Variants in RBBP6 observed in about 807,000 individuals in gnomAD.
RBBP6 encodes RB binding protein 6, ubiquitin ligase, also known as E3 ubiquitin-protein ligase RBBP6.
In RBBP6, 25 loss-of-function variants were observed where a neutral mutation model predicts 167.7. The ratio of observed to expected loss-of-function variants is 0.15; its 90% confidence interval spans 0.11 to 0.21. The LOEUF is 0.21. Among genes scored for constraint, RBBP6 ranks in the 10% least tolerant of loss-of-function variants. The probability of loss-of-function intolerance (pLI) is 1.00; values close to 1 mark genes in which losing one functional copy is unlikely to be tolerated. For missense variants in RBBP6, 1,868 were observed against 2,134.2 expected (o/e 0.88, Z 2.46); for synonymous variants, 789 against 735.8 (o/e 1.07, Z -1.17).
Position 24,571,508 on chromosome 16 carries a change from A to G in RBBP6, c.4442A>G (p.Glu1481Gly). 2 of 1,613,430 alleles carry G rather than the reference A, an allele frequency of 1.2e-6. No homozygotes were observed. Among genetic ancestry groups the G allele is most frequent in the Non-Finnish European group, 8.5e-7 (1 of 1,179,834 alleles). Residue 1481 changes from glutamate (E) to glycine (G), a missense_variant, in exon 18 of 18, where the codon GAG becomes GGG. Glu to Gly is a moderately conservative substitution (Grantham distance 98). This residue lies in a region of RBBP6 where 591 missense variants were observed against 540.5 expected (regional missense o/e 1.09). Coordinates refer to ENST00000319715, the MANE Select transcript of RBBP6 (RefSeq NM_006910.5). Reference protein sequence around the residue: ...RDKKTDYDTREYSSSKRRDEK... With the variant: ...RDKKTDYDTRGYSSSKRRDEK... ...AAAAAAACTGACTATGACACCAGAG[A>G]GTATTCAAGTTCCAAACGTAGAGAT...
intron 13 of RBBP6, among the ~76,000 whole-genome samples, chr16:24,563,962 T>C (rs549688649): frequency 6.6e-6 from 1 of 152,144 alleles, no homozygotes; most frequent in Non-Finnish European, 1.5e-5. Context: ...AATGAATAGA[T>C]AAGAATTACT....
intron 7 of RBBP6, 49 bp downstream of exon 7, chr16:24,556,496 G>C (rs762568277): frequency 1.3e-6 from 2 of 1,544,714 alleles, no homozygotes; most frequent in South Asian, 1.2e-5. Context: ...GTCAGTCCCA[G>C]GGTATAGTGT....
intron 7 of RBBP6, chr16:24,558,306 C>A (rs1898966956): frequency 5.5e-6 from 1 of 183,478 alleles, no homozygotes; most frequent in Non-Finnish European, 1.0e-5. Context: ...AACTTTCACC[C>A]TCTTCACTAA....
intron 14 of RBBP6, 126 bp downstream of exon 14, chr16:24,564,991 C>T: frequency 1.4e-6 from 2 of 1,394,972 alleles, no homozygotes; most frequent in South Asian, 1.8e-5. Flanking sequence ...GCTTATCCCT[C>T]TTAAGTCCTG....
intron 4 of RBBP6, chr16:24,554,514 A>G (rs1015255426): frequency 6.6e-6 from 1 of 152,070 alleles, no homozygotes; most frequent in African/African-American, 2.4e-5. Flanking sequence ...TGTCCTAGTA[A>G]CAAATTGCTT....
At chr16:24,564,909 A>G (rs1899156221) in intron 14 of RBBP6, 44 bp downstream of exon 14, 1 of 1,565,124 alleles carries the variant, frequency 6.4e-7, no homozygotes, top group African/African-American at 1.4e-5. Flanking sequence ...CTTATTTTTT[A>G]TATATATATC....
chr16:24,566,527 G>A lies in RBBP6; in HGVS notation c.1590-616G>A, dbSNP rs565443919. 1.1e-4 allele frequency among the ~76,000 whole-genome samples: 16 copies of A among 152,254 alleles called. No homozygotes were observed. The South Asian group carries it at 3.1e-3, about 30-fold the overall frequency. ...CCAGCACTTTGTGCAGATCACCTGAGGTCAGGAGTTTGAGAACAGCCTGCC... is the reference window on the plus strand; with the variant it reads ...CCAGCACTTTGTGCAGATCACCTGAAGTCAGGAGTTTGAGAACAGCCTGCC... On this transcript the variant is annotated intron_variant, in intron 14 of 17. Coordinates refer to ENST00000319715, the MANE Select transcript of RBBP6 (RefSeq NM_006910.5).
intron 17 of RBBP6, 30 bp downstream of exon 17, chr16:24,570,529 C>G (rs2141479383): frequency 6.6e-7 from 1 of 1,505,118 alleles, no homozygotes; most frequent in African/African-American, 1.4e-5. Flanking sequence ...GGGTGTGGAA[C>G]TTTGTTGGGA....
At position 24,559,541 on chromosome 16, in the gene RBBP6, C is replaced by G. The variant is rs567331195; in HGVS notation, c.711C>G (p.Pro237=). 29 of 1,603,550 alleles carry G rather than the reference C, an allele frequency of 1.8e-5. No homozygotes were observed. The East Asian group carries it at 5.8e-4, about 32-fold the overall frequency. Residue 237 remains proline (P), a synonymous_variant, in exon 8 of 18, where the codon CCC becomes CCG. Transcript: ENST00000319715. ...AYAIGKKEKP[P]FLPEEPSSSS... ...CAATTGGGAAGAAAGAGAAACCTCC[C>G]TTCTTACCAGAGGAGCCATCTTCTT...
At position 24,571,760 on chromosome 16, in the gene RBBP6, C is replaced by T. The variant is rs770035145; in HGVS notation, c.4694C>T (p.Pro1565Leu). The T allele has an allele frequency of 1.1e-5, 17 of 1,613,890 alleles. No individual in the cohort carries two copies. The highest frequency in any genetic ancestry group is 1.4e-5 in the Non-Finnish European group (16 of 1,179,976). ...GAGACAAAATCTGTAGATAAAAATC[C>T]TTGTAAGGATCGTGAGAAGCATGTA... ...NEETKSVDKN[P>L]CKDREKHVLE... The change falls in exon 18 of 18, where the codon CCT (proline) becomes CTT (leucine). Residue 1565 changes from proline (P) to leucine (L), a missense_variant. Around this residue, in one of 7 missense-constraint regions of RBBP6, gnomAD observed 591 missense variants for 540.5 expected, o/e 1.09. Coordinates refer to ENST00000319715, the MANE Select transcript of RBBP6 (RefSeq NM_006910.5).
intron 8 of RBBP6, among the ~76,000 whole-genome samples, chr16:24,561,246 C>T (rs1210497412): frequency 2.6e-5 from 4 of 151,120 alleles, no homozygotes; most frequent in Middle Eastern, 3.2e-3. Flanking sequence ...TCAATTCAGA[C>T]ATTTGTTTAA....
At position 24,571,613 on chromosome 16, in the gene RBBP6, G is replaced by A. The variant is rs139299941; in HGVS notation, c.4547G>A (p.Arg1516Lys). ...DSASGQKNKP[R>K]EERDLPKKGT... ...GCATCTGGACAGAAAAATAAACCAA[G>A]GGAAGAGAGAGATTTGCCTAAAAAA... The change falls in exon 18 of 18, where the codon AGG becomes AAG. Residue 1516 changes from arginine (R) to lysine (K), a missense_variant. By Grantham distance (26) the Arg-to-Lys change is conservative. Around this residue, in one of 7 missense-constraint regions of RBBP6, gnomAD observed 591 missense variants for 540.5 expected, o/e 1.09. Coordinates refer to ENST00000319715, the MANE Select transcript of RBBP6 (RefSeq NM_006910.5). 893 of 1,611,042 alleles carry A rather than the reference G, an allele frequency of 5.5e-4. No homozygotes were observed. Among genetic ancestry groups the A allele is most frequent in the Non-Finnish European group, 6.9e-4 (809 of 1,179,346 alleles).
At chr16:24,561,586 A>T (rs1457197414) in intron 8 of RBBP6, 26 bp from the exon 9 acceptor site, 3 of 1,570,130 alleles carry the variant, frequency 1.9e-6, no homozygotes, top group South Asian at 2.3e-5. Flanking sequence ...CTATGCTTTT[A>T]TTAATATTTG....
intron 14 of RBBP6, among the ~76,000 whole-genome samples, chr16:24,565,196 T>G (rs1348019069): frequency 6.6e-6 from 1 of 152,164 alleles, no homozygotes; most frequent in African/African-American, 2.4e-5. Flanking sequence ...AGATACCAGT[T>G]TAATTTAAGA....
At chr16:24,548,096 A>G (rs547087458) in intron 2 of RBBP6, among the ~76,000 whole-genome samples, 2 of 152,222 alleles carry the variant, frequency 1.3e-5, no homozygotes, top group South Asian at 2.1e-4. Flanking sequence ...AGATGCTAAC[A>G]TTTCTCTATA....
chr16:24,565,006 G>T, intron 14 of RBBP6, 141 bp downstream of exon 14: 1 of 1,335,020 alleles, frequency 7.5e-7, no homozygotes, highest in Non-Finnish European at 9.7e-7. Flanking sequence ...GTCCTGGGTA[G>T]TTGTCCTTAA....
intron 7 of RBBP6, among the ~76,000 whole-genome samples, chr16:24,557,480 G>A (rs1322353007): frequency 1.3e-5 from 2 of 151,882 alleles, no homozygotes; most frequent in Non-Finnish European, 2.9e-5. Context: ...AATATTAAGT[G>A]TTCTTTGGAC....
Position 24,568,984 on chromosome 16 carries a change from G to T in RBBP6, c.2294G>T (p.Arg765Leu). The T allele has an allele frequency of 1.2e-6, 2 of 1,614,050 alleles. No homozygotes were observed. The highest frequency in any genetic ancestry group is 1.7e-6 in the Non-Finnish European group (2 of 1,179,954). The change falls in exon 17 of 18, where the codon CGC becomes CTC. Residue 765 changes from arginine (R) to leucine (L), a missense_variant. By Grantham distance (102) the Arg-to-Leu change is moderately radical (BLOSUM62 -2). Around this residue, in one of 7 missense-constraint regions of RBBP6, gnomAD observed 673 missense variants for 691.5 expected, o/e 0.97. Coordinates refer to ENST00000319715, the MANE Select transcript of RBBP6 (RefSeq NM_006910.5). ...RSRSRSPPYR[R>L]YHSRSRSPQA... Reference sequence around the variant, plus strand: ...AGGTCAAGGTCACCCCCTTACAGACGCTATCATTCACGATCAAGATCTCCT... The same window carrying T: ...AGGTCAAGGTCACCCCCTTACAGACTCTATCATTCACGATCAAGATCTCCT...
chr16:24,547,105 GTAT>G (rs1898675141), intron 2 of RBBP6, among the ~76,000 whole-genome samples: 1 of 152,160 alleles, frequency 6.6e-6, no homozygotes, highest in African/African-American at 2.4e-5. Context: ...GAATTAGGTA[GTAT>G]TGTTTGAAAT....
Sources: allele counts gnomAD v4.1 joint callset (sites outside exome capture counted in the v4.1 genomes callset), GRCh38; gene constraint gnomAD v4.1.1; regional missense constraint gnomAD v4.1.1; transcripts MANE v1.5; gene names NCBI Gene and HGNC (gene_info 2026-07-23, HGNC 2026-07-21).